The following ARHGEF37 variants were observed in gnomAD, a reference collection of about 807,000 sequenced individuals.
ARHGEF37 encodes the protein Rho guanine nucleotide exchange factor (GEF) 37.
ARHGEF37 carries 55 observed loss-of-function variants against 71.1 expected under a neutral mutation model. The ratio of observed to expected loss-of-function variants is 0.77; its 90% CI spans 0.62 to 0.97. ARHGEF37 has a LOEUF of 0.97. Among genes scored for constraint, ARHGEF37 ranks in the 50% least tolerant of loss-of-function variants. The probability of loss-of-function intolerance (pLI) is 0.00; values close to 1 mark genes in which losing one functional copy is unlikely to be tolerated. For synonymous variants in ARHGEF37, 327 were observed against 350.6 expected (o/e 0.93, Z 0.75); for missense variants, 765 against 836.8 (o/e 0.91, Z 1.06).
At chr5:149,609,414 G>A in intron 3 of ARHGEF37, 134 bp from the exon 4 acceptor site, 1 of 924,410 alleles carries the variant, frequency 1.1e-6, no homozygotes, top group Non-Finnish European at 1.7e-6. Context: ...GAGGTCATTT[G>A]CCCATGGTGA....
chr5:149,602,492 A>AT (rs71587783), intron 3 of ARHGEF37, among the ~76,000 whole-genome samples: 14,156 of 144,838 alleles, frequency 0.098, 875 homozygotes, highest in African/African-American at 0.17. Flanking sequence ...CTTTGGTTTA[A>AT]TTTTTTTTTT....
intron 1 of ARHGEF37, among the ~76,000 whole-genome samples, chr5:149,556,878 T>C (rs537729771): frequency 6.6e-6 from 1 of 152,316 alleles, no homozygotes; most frequent in East Asian, 1.9e-4. Flanking sequence ...AGGGAATTCA[T>C]GGAGTAATTG....
rs1752687553 is a variant in ARHGEF37 at position 149,626,451 on chromosome 5, C to G, written c.1465-625C>G. On this transcript the variant is annotated intron_variant, in intron 10 of 12. Transcript: ENST00000333677. The stretch of plus-strand genomic sequence containing the variant: ...AAATGCCAGGAGATTTTTGGATAAG[C>G]TGAAAGTGCCACCGAATCATTCTTT... Among the ~76,000 whole-genome samples the G allele has an allele frequency of 3.3e-5, 5 of 152,262 alleles. No homozygotes were observed. In the South Asian group the frequency reaches 1.0e-3, roughly 32 times the overall value.
chr5:149,596,102 C>G (rs2400885), intron 1 of ARHGEF37, among the ~76,000 whole-genome samples: 3 of 151,902 alleles, frequency 2.0e-5, no homozygotes, highest in Non-Finnish European at 2.9e-5. Flanking sequence ...TTACCCACCC[C>G]TCTACTTTGG....
At chr5:149,600,454 A>G (rs1763718489) in intron 2 of ARHGEF37, among the ~76,000 whole-genome samples, 1 of 152,108 alleles carries the variant, frequency 6.6e-6, no homozygotes. Context: ...ATGCATCTTG[A>G]GGTCATGGTG....
At position 149,597,742 on chromosome 5, in the gene ARHGEF37, G is replaced by A. The variant is rs201369035; in HGVS notation, c.-11-17G>A. The A allele has an allele frequency of 2.0e-6, 3 of 1,515,214 alleles. No homozygotes were observed. The highest frequency in any genetic ancestry group is 4.7e-5 in the Admixed American group (2 of 42,462). 93.9% of individuals were successfully genotyped at this position (1,515,214 alleles called of 1,614,324 possible). A position where few individuals can be genotyped will look rare whatever the true frequency, so the allele number is the denominator to read the frequency against. On this transcript the variant is annotated splice_polypyrimidine_tract_variant and intron_variant, in intron 1 of 12. Coordinates refer to ENST00000333677, the MANE Select transcript of ARHGEF37 (RefSeq NM_001001669.3). ...GTTCTTCCTGGAAGTGAGTGGGGATGCTTTTGCTTTTCCCAGAACCTGCTG... is the reference window on the plus strand; with the variant it reads ...GTTCTTCCTGGAAGTGAGTGGGGATACTTTTGCTTTTCCCAGAACCTGCTG...
At chr5:149,555,580 G>A (rs987461495) in intron 1 of ARHGEF37, among the ~76,000 whole-genome samples, 2 of 151,284 alleles carry the variant, frequency 1.3e-5, no homozygotes, top group South Asian at 2.1e-4. Context: ...CTCCCAAAAC[G>A]CTAGGATGAC....
Position 149,631,971 on chromosome 5 carries a change from A to G in ARHGEF37, c.1819-11A>G, listed in dbSNP as rs369312137. On this transcript the variant is annotated splice_polypyrimidine_tract_variant and intron_variant, in intron 12 of 12. Transcript: ENST00000333677. ...CCTGACCATTTCTGTGTCACTCCCC[A>G]TGTGTTTCAGGTCATAGCCGCGTAC... 10 of 1,613,482 alleles carry G rather than the reference A, an allele frequency of 6.2e-6. No homozygotes were observed. In the African/African-American group the frequency reaches 1.1e-4, roughly 17 times the overall value.
At position 149,627,276 on chromosome 5, in the gene ARHGEF37, G is replaced by A. The variant is rs200748569; in HGVS notation, c.1660+5G>A. ...GCTGGCTGGTGGACACCGGGGGTAC[G>A]TGAGCCTTTGGGAGCCCTTCTTCTC... On this transcript the variant is annotated splice_donor_5th_base_variant and intron_variant, in intron 11 of 12. Coordinates refer to ENST00000333677, the MANE Select transcript of ARHGEF37 (RefSeq NM_001001669.3). 2,863 of 1,611,582 alleles carry A rather than the reference G, an allele frequency of 1.8e-3. 9 individuals are homozygous for A. The highest frequency in any genetic ancestry group is 2.2e-3 in the Non-Finnish European group (2,618 of 1,179,002).
In ARHGEF37 at chr5:149,633,131, CA is replaced by C. The variant is rs1480334672; in HGVS notation, c.*942del. ...CCTGGAGGCAGCCGTGGATGTGATG[CA>C]ATTGGCTGTGGGACCTTAGATGTAG... On this transcript the variant is annotated 3_prime_UTR_variant, in exon 13 of 13. Coordinates refer to ENST00000333677, the MANE Select transcript of ARHGEF37 (RefSeq NM_001001669.3). 6.6e-6 allele frequency: 1 copy of C among 152,496 alleles called. No individual in the cohort carries two copies. Among genetic ancestry groups the C allele is most frequent in the African/African-American group, 2.4e-5 (1 of 41,468 alleles). 9.4% of individuals were successfully genotyped at this position (152,496 alleles called of 1,614,324 possible).
intron 1 of ARHGEF37, 87 bp from the exon 2 acceptor site, chr5:149,597,672 C>T (rs1353035689): frequency 2.4e-6 from 3 of 1,275,322 alleles, no homozygotes; most frequent in East Asian, 2.6e-5. Flanking sequence ...TTTTAGGCCT[C>T]TTGATGAGTA....
At chr5:149,591,839 TGTTCTAAGC>T (rs1431787660) in intron 1 of ARHGEF37, among the ~76,000 whole-genome samples, 5 of 152,244 alleles carry the variant, frequency 3.3e-5, no homozygotes, top group African/African-American at 1.2e-4. Context: ...CTAATCTAAG[TGTTCTAAGC>T]ATGTTTGAAG....
intron 4 of ARHGEF37, among the ~76,000 whole-genome samples, chr5:149,615,398 T>C (rs1580924914): frequency 1.3e-5 from 2 of 152,018 alleles, no homozygotes; most frequent in Non-Finnish European, 2.9e-5. Context: ...TAACTTTTTT[T>C]CATAAAAAGT....
intron 4 of ARHGEF37, among the ~76,000 whole-genome samples, chr5:149,612,565 T>C (rs987132963): frequency 6.6e-5 from 10 of 152,256 alleles, no homozygotes; most frequent in African/African-American, 2.4e-4. Context: ...CCCAGTATTA[T>C]GATATATGAC....
At chr5:149,562,177 C>T (rs1445519131) in intron 1 of ARHGEF37, among the ~76,000 whole-genome samples, 1 of 152,130 alleles carries the variant, frequency 6.6e-6, no homozygotes. Context: ...AGACTTTCTG[C>T]AGTGAACAGA....
At chr5:149,577,934 G>A (rs975304345), upstream of ARHGEF37, among the ~76,000 whole-genome samples, 2 of 152,236 alleles carry the variant, frequency 1.3e-5, no homozygotes, top group Non-Finnish European at 2.9e-5. Context: ...GTAAATTTTA[G>A]TGAATTTCAG....
intron 4 of ARHGEF37, among the ~76,000 whole-genome samples, chr5:149,615,729 A>C (rs1296820917): frequency 6.6e-6 from 1 of 151,978 alleles, no homozygotes; most frequent in East Asian, 1.9e-4. Context: ...GTCTCTACTA[A>C]AAATAAAAAA....
rs1752582458 is a variant in ARHGEF37, at chr5:149,622,763, C to T, written c.1335+701C>T. Among the ~76,000 whole-genome samples, 4 of 152,250 alleles carry T rather than the reference C, an allele frequency of 2.6e-5. No homozygotes were observed. The South Asian group carries it at 8.3e-4, about 32-fold the overall frequency. ...AGAGGTTTGGATAAACCTCCAAATG[C>T]AAACTTTGATTTTAGAATTTGGAAG... On this transcript the variant is annotated intron_variant, in intron 9 of 12. Transcript: ENST00000333677.
At chr5:149,622,155 G>A (rs932032849) in intron 9 of ARHGEF37, 93 bp downstream of exon 9, 1 of 1,307,144 alleles carries the variant, frequency 7.7e-7, no homozygotes, top group African/African-American at 1.5e-5. Flanking sequence ...TAGGATGGAG[G>A]GAGGATGGGC....
Sources: gnomAD v4.1 joint callset for allele counts (sites outside exome capture counted in the v4.1 genomes callset) on GRCh38, gnomAD v4.1.1 for gene constraint, MANE v1.5 for transcripts, NCBI Gene and HGNC (gene_info 2026-07-23, HGNC 2026-07-21) for gene names.